The following N4BP2 variants were observed in gnomAD, a reference collection of about 807,000 sequenced individuals.
N4BP2 encodes NEDD4 binding protein 2.
N4BP2 carries 91 observed loss-of-function variants against 152.8 expected under a neutral mutation model. The observed-to-expected ratio is 0.60, with a 90% CI of 0.50 to 0.71. The LOEUF (loss-of-function observed/expected upper bound fraction) is 0.71. Ranked by LOEUF, N4BP2 falls within the 30% of genes least tolerant of loss-of-function variation. The probability of loss-of-function intolerance (pLI) is 0.00; values close to 1 mark genes in which losing one functional copy is unlikely to be tolerated. For missense variants in N4BP2, 1,923 were observed against 2,059.1 expected (o/e 0.93, Z 1.28); for synonymous variants, 646 against 705.3 (o/e 0.92, Z 1.33).
At chr4:40,148,232 C>T (rs900124013) in intron 16 of N4BP2, among the ~76,000 whole-genome samples, 14 of 152,346 alleles carry the variant, frequency 9.2e-5, no homozygotes, top group East Asian at 5.8e-4. Flanking sequence ...GCAGATCACT[C>T]GCGGTTAGGA....
At chr4:40,070,800 T>G (rs1390463191) in intron 1 of N4BP2, among the ~76,000 whole-genome samples, 1 of 152,018 alleles carries the variant, frequency 6.6e-6, no homozygotes, top group Non-Finnish European at 1.5e-5. Context: ...CCAAAAATGT[T>G]TTTGATTGCT....
chr4:40,073,107 A>T (rs531628588), intron 1 of N4BP2, among the ~76,000 whole-genome samples: 25 of 152,324 alleles, frequency 1.6e-4, no homozygotes, highest in African/African-American at 5.8e-4. Flanking sequence ...TGGTTAAAAA[A>T]TGGTAATTAG....
At chr4:40,113,777 A>G (rs1475160359) in intron 7 of N4BP2, among the ~76,000 whole-genome samples, 3 of 152,162 alleles carry the variant, frequency 2.0e-5, no homozygotes, top group Non-Finnish European at 4.4e-5. Context: ...TTAAATATAG[A>G]GACAGGGTCT....
At chr4:40,180,399 A>C in the N4BP2 span, among the ~76,000 whole-genome samples, 19 of 152,280 alleles carry the variant, frequency 1.2e-4, no homozygotes, top group African/African-American at 4.6e-4. Flanking sequence ...ATCTAAAAAG[A>C]TTTCTAACAT....
the N4BP2 span, among the ~76,000 whole-genome samples, chr4:40,190,220 C>T: frequency 1.3e-5 from 2 of 152,190 alleles, no homozygotes; most frequent in Non-Finnish European, 2.9e-5. Flanking sequence ...TCGCTGCTGT[C>T]TCCCTGGCAC....
intron 2 of N4BP2, among the ~76,000 whole-genome samples, chr4:40,077,517 G>A (rs949172055): frequency 3.4e-5 from 5 of 146,982 alleles, no homozygotes; most frequent in Admixed American, 2.8e-4. Flanking sequence ...GCAGTGGCGC[G>A]ATCTTGGCTC....
At chr4:40,189,566 C>T in the N4BP2 span, among the ~76,000 whole-genome samples, 1 of 152,256 alleles carries the variant, frequency 6.6e-6, no homozygotes, top group East Asian at 1.9e-4. This position sits in a 1 kb window ranked among gnomAD's most constrained non-coding sequence, Gnocchi z 4.3. Flanking sequence ...GATCATTAAA[C>T]CTACGGATTT....
At chr4:40,069,255 T>G (rs1478210001) in intron 1 of N4BP2, among the ~76,000 whole-genome samples, 2 of 151,896 alleles carry the variant, frequency 1.3e-5, no homozygotes, top group Non-Finnish European at 1.5e-5. Flanking sequence ...CTGGCCAACA[T>G]GGTGAAACTC....
the N4BP2 span, among the ~76,000 whole-genome samples, chr4:40,172,842 A>G: frequency 2.0e-5 from 3 of 152,108 alleles, no homozygotes; most frequent in Non-Finnish European, 2.9e-5. Flanking sequence ...ATATCTTAAA[A>G]TCTCCAAATC....
intron 13 of N4BP2, 50 bp downstream of exon 13, chr4:40,131,969 G>C: frequency 9.3e-7 from 1 of 1,076,840 alleles, no homozygotes; most frequent in Non-Finnish European, 1.4e-6. Flanking sequence ...GTCACTGAAA[G>C]CATATGCCAT....
intron 7 of N4BP2, among the ~76,000 whole-genome samples, chr4:40,116,936 T>G (rs1717394345): frequency 6.9e-6 from 1 of 145,018 alleles, no homozygotes; most frequent in South Asian, 2.2e-4. Flanking sequence ...TCAGCTGTCA[T>G]TCTAATTGTT....
chr4:40,189,865 G>A, the N4BP2 span, among the ~76,000 whole-genome samples: 2 of 151,708 alleles, frequency 1.3e-5, no homozygotes, highest in Non-Finnish European at 2.9e-5. The surrounding 1 kb of genome is among the most constrained non-coding windows in gnomAD (Gnocchi z 4.3). Context: ...CTCCAGCCTG[G>A]GCGACATGGG....
chr4:40,149,829 G>C (rs1269061118), intron 16 of N4BP2, among the ~76,000 whole-genome samples: 8 of 150,306 alleles, frequency 5.3e-5, no homozygotes, highest in Non-Finnish European at 1.5e-5. Flanking sequence ...CCAGGGAGGC[G>C]AAGCTTGCAA....
At chr4:40,139,188 G>T (rs1719674942) in intron 14 of N4BP2, among the ~76,000 whole-genome samples, 1 of 151,922 alleles carries the variant, frequency 6.6e-6, no homozygotes, top group Non-Finnish European at 1.5e-5. Context: ...AAATGTAAAT[G>T]GAATTATTTC....
At chr4:40,188,646 A>C in the N4BP2 span, among the ~76,000 whole-genome samples, 1 of 146,046 alleles carries the variant, frequency 6.8e-6, no homozygotes, top group Non-Finnish European at 1.5e-5. Context: ...CAGGAGGCTG[A>C]GGTTGGGAGG....
downstream of N4BP2, among the ~76,000 whole-genome samples, chr4:40,160,980 T>A (rs962119876): frequency 1.9e-4 from 29 of 152,058 alleles, no homozygotes; most frequent in African/African-American, 7.0e-4. Context: ...AATAAAACAA[T>A]TTCGCCCTCC....
At chr4:40,083,854 A>G (rs377239058) in intron 2 of N4BP2, among the ~76,000 whole-genome samples, 1 of 152,320 alleles carries the variant, frequency 6.6e-6, no homozygotes, top group East Asian at 1.9e-4. Flanking sequence ...TAAAGCTGGT[A>G]TAAGTAGAAA....
At chr4:40,095,756 TGAA>T (rs1022080685) in intron 2 of N4BP2, among the ~76,000 whole-genome samples, 2 of 152,160 alleles carry the variant, frequency 1.3e-5, no homozygotes, top group African/African-American at 2.4e-5. Flanking sequence ...AACAAAAATT[TGAA>T]GGAGTACAGG....
At chr4:40,141,159 G>T (rs1243341708) in intron 14 of N4BP2, among the ~76,000 whole-genome samples, 1 of 151,984 alleles carries the variant, frequency 6.6e-6, no homozygotes, top group Non-Finnish European at 1.5e-5. Flanking sequence ...CCTCCCAGTA[G>T]GGGCAGCCGG....
Sources: gnomAD v4.1 joint callset for allele counts (sites outside exome capture counted in the v4.1 genomes callset) on GRCh38, gnomAD v4.1.1 for gene constraint, Gnocchi (gnomAD v3.1) non-coding constraint, MANE v1.5 for transcripts, NCBI Gene and HGNC (gene_info 2026-07-23, HGNC 2026-07-21) for gene names.